Variants in SASH1 observed in about 807,000 individuals in gnomAD.
SASH1 encodes the protein SAM and SH3 domain containing 1.
In SASH1, 44 loss-of-function variants were observed where a neutral mutation model predicts 125.2. The ratio of observed to expected loss-of-function variants is 0.35; its 90% CI spans 0.28 to 0.45. The LOEUF is 0.45. SASH1 is among the 20% of genes least tolerant of loss of function. SASH1 has a pLI of 1.00. For missense variants in SASH1, 1,426 were observed against 1,614.5 expected (o/e 0.88, Z 2.00); for synonymous variants, 639 against 649.1 (o/e 0.98, Z 0.24).
At chr6:148,263,033 G>A in the SASH1 span, among the ~76,000 whole-genome samples, 1 of 152,282 alleles carries the variant, frequency 6.6e-6, no homozygotes, top group African/African-American at 2.4e-5. Flanking sequence ...GGAGATGCAA[G>A]TTTTGAGAGA....
At chr6:148,534,693 G>GTGT in intron 15 of SASH1, 58 bp from the exon 16 acceptor site, 4 of 1,562,004 alleles carry the variant, frequency 2.6e-6, no homozygotes, top group Non-Finnish European at 3.5e-6. Flanking sequence ...GTTGTTGGCG[G>GTGT]TGTTATCATG....
the SASH1 span, among the ~76,000 whole-genome samples, chr6:148,196,209 T>C: frequency 0.64 from 98,096 of 152,096 alleles, 32,319 homozygotes; most frequent in African/African-American, 0.77. Context: ...AAGTTCACTT[T>C]CATGTCAGAC....
rs770923251 is a variant in SASH1, at chr6:148,514,439, A to G, written c.845A>G (p.Lys282Arg). 3.3e-6 allele frequency: 5 copies of G among 1,533,912 alleles called. No homozygotes were observed. In the East Asian group the frequency reaches 9.4e-5, roughly 29 times the overall value. The change falls in exon 9 of 20, where the codon AAA (lysine) becomes AGA (arginine). Residue 282 changes from lysine to arginine, a missense_variant. Coordinates refer to ENST00000367467, the MANE Select transcript of SASH1 (RefSeq NM_015278.5). The stretch of plus-strand genomic sequence containing the variant: ...AAACTAATTAGGGTGGAAGAAATGA[A>G]AAAACCCAGCACTGAAGGTAAAAAA... Reference protein sequence around the residue: ...RKKLIRVEEMKKPSTEGGEEH... With the variant: ...RKKLIRVEEMRKPSTEGGEEH...
the SASH1 span, among the ~76,000 whole-genome samples, chr6:148,246,855 A>G: frequency 6.6e-6 from 1 of 152,178 alleles, no homozygotes; most frequent in Non-Finnish European, 1.5e-5. Context: ...AATATCACAC[A>G]CTTTTTGTTT....
chr6:148,440,546 C>T, intron 4 of SASH1, 139 bp downstream of exon 4: 1 of 706,824 alleles, frequency 1.4e-6, no homozygotes, highest in Admixed American at 2.5e-5. Flanking sequence ...ATGTTGCATG[C>T]ATGTGTGTGT....
intron 10 of SASH1, chr6:148,524,602 C>G (rs1368274724): frequency 6.6e-6 from 1 of 152,134 alleles, no homozygotes; most frequent in African/African-American, 2.4e-5. Flanking sequence ...CTGAATCAAC[C>G]GTTTTCTTTC....
At chr6:148,458,384 G>A (rs936677481) in intron 4 of SASH1, among the ~76,000 whole-genome samples, 3 of 152,184 alleles carry the variant, frequency 2.0e-5, no homozygotes, top group Admixed American at 6.5e-5. Context: ...GGGGAAGTGA[G>A]TTTTTAACAA....
In SASH1 at chr6:148,281,214, T is replaced by C. The variant is rs191209381; in HGVS notation, n.74+8837T>C. 8.3e-3 allele frequency among the ~76,000 whole-genome samples: 1,212 copies of C among 145,600 alleles called. 14 individuals are homozygous for C. The highest frequency in any genetic ancestry group is 0.029 in the African/African-American group (1,142 of 39,820). Reference sequence around the variant, plus strand: ...CTCAAGTGATCCTCCTGCCATGTCCTCCCAAAGTGCTGGGATTACAGGCGT... The same window carrying C: ...CTCAAGTGATCCTCCTGCCATGTCCCCCCAAAGTGCTGGGATTACAGGCGT... On this transcript the variant is annotated intron_variant and non_coding_transcript_variant, in intron 1 of 3. Transcript: ENST00000367469.
chr6:148,321,446 A>G (rs918128464), intron 1 of SASH1, among the ~76,000 whole-genome samples: 1 of 152,028 alleles, frequency 6.6e-6, no homozygotes, highest in African/African-American at 2.4e-5. Flanking sequence ...AAAGATCAAA[A>G]TGAAGCTCTT....
At chr6:148,432,214 A>G (rs1252227037) in intron 2 of SASH1, among the ~76,000 whole-genome samples, 3 of 152,166 alleles carry the variant, frequency 2.0e-5, no homozygotes, top group African/African-American at 7.2e-5. Flanking sequence ...ACCTCAGGTG[A>G]TCTGCCTGCC....
chr6:148,527,361 A>G (rs1407648789), intron 11 of SASH1, 92 bp from the exon 12 acceptor site: 14 of 1,161,490 alleles, frequency 1.2e-5, no homozygotes, highest in Non-Finnish European at 1.5e-5. Context: ...GAATGTCAAT[A>G]TTTCTGAGAG....
Position 148,487,800 on chromosome 6 carries a change from G to C in SASH1, c.729+85G>C, listed in dbSNP as rs1326384436. The C allele has an allele frequency of 4.1e-6, 4 of 977,028 alleles. No homozygotes were observed. In the East Asian group the frequency reaches 1.0e-4, roughly 25 times the overall value. 60.5% of individuals were successfully genotyped at this position (977,028 alleles called of 1,614,324 possible). A position where few individuals can be genotyped will look rare whatever the true frequency, so the allele number is the denominator to read the frequency against. The stretch of plus-strand genomic sequence containing the variant: ...CATTTTAGTCTTTGTATTTCTTTTC[G>C]AAACTTCCGACTCGCACCTGGGTCT... On this transcript the variant is annotated intron_variant, in intron 8 of 19. Transcript: ENST00000367467.
In SASH1 at chr6:148,471,413, T is replaced by A. The variant is rs912899676; in HGVS notation, c.428-4T>A. ...TTTTTTTTTTTTTTTTTTTTTTTTT[T>A]AAGGAAAAGGAGACTGGAAGAAGAA... is the stretch of plus-strand genomic sequence containing the variant. On this transcript the variant is annotated splice_region_variant and splice_polypyrimidine_tract_variant and intron_variant, in intron 5 of 19. Transcript: ENST00000367467. 2.5e-5 allele frequency: 25 copies of A among 990,412 alleles called. No homozygotes were observed. The highest frequency in any genetic ancestry group is 3.3e-5 in the South Asian group (2 of 60,252). 61.4% of individuals were successfully genotyped at this position (990,412 alleles called of 1,614,324 possible). A position where few individuals can be genotyped will look rare whatever the true frequency, so the allele number is the denominator to read the frequency against.
At position 148,368,770 on chromosome 6, in the gene SASH1, G is replaced by GCGCACACACACACACACACACACACACA. The variant is rs1554245330; in HGVS notation, c.157-21363_157-21362insGCACACACACACACACACACACACACAC. Among the ~76,000 whole-genome samples the GCGCACACACACACACACACACACACACA allele has an allele frequency of 5.2e-5, 7 of 135,732 alleles. No individual in the cohort carries two copies. In the East Asian group the frequency reaches 6.2e-4, roughly 12 times the overall value. 89.0% of individuals were successfully genotyped at this position (135,732 alleles called of 152,430 possible). A position where few individuals can be genotyped will look rare whatever the true frequency, so the allele number is the denominator to read the frequency against. Reference sequence around the variant, plus strand: ...CCCCCACATGCGCGCGCACGCGCGCGCACACACACACACACACACACACAC... The same window carrying GCGCACACACACACACACACACACACACA: ...CCCCCACATGCGCGCGCACGCGCGCGCGCACACACACACACACACACACACACACACACACACACACACACACACACAC... On this transcript the variant is annotated intron_variant, in intron 1 of 19. Transcript: ENST00000367467.
intron 1 of SASH1, among the ~76,000 whole-genome samples, chr6:148,389,193 G>A (rs1039520550): frequency 2.0e-5 from 3 of 151,968 alleles, no homozygotes; most frequent in Non-Finnish European, 4.4e-5. Flanking sequence ...GACTACACGA[G>A]CCGGCTAAAG....
rs746075114 is a variant in SASH1, at chr6:148,544,545, C to G, written c.3075C>G (p.Ser1025Arg). The G allele has an allele frequency of 2.5e-6, 4 of 1,613,062 alleles. No individual in the cohort carries two copies. Among genetic ancestry groups the G allele is most frequent in the Middle Eastern group, 1.6e-4 (1 of 6,062 alleles). The change falls in exon 18 of 20, where the codon AGC becomes AGG. Residue 1025 changes from serine to arginine, a missense_variant. Physicochemically the swap from Ser to Arg is moderately radical, Grantham distance 110. Coordinates refer to ENST00000367467, the MANE Select transcript of SASH1 (RefSeq NM_015278.5). This position sits in a 1 kb window ranked among gnomAD's most constrained non-coding sequence, Gnocchi z 6.4. ...CATGCCTGCCAGTGAAAAGGGGCAG[C>G]CCCGCCAGCCCCACCAGCCCTAGCG... ...DAPCLPVKRG[S>R]PASPTSPSDC...
chr6:148,389,058 C>T (rs2114822124), intron 1 of SASH1, among the ~76,000 whole-genome samples: 1 of 152,198 alleles, frequency 6.6e-6, no homozygotes, highest in African/African-American at 2.4e-5. Flanking sequence ...CTGTCATCCT[C>T]CCTGTATGTA....
At chr6:148,473,360 TCTC>T (rs142843341) in intron 6 of SASH1, among the ~76,000 whole-genome samples, 10,184 of 152,210 alleles carry the variant, frequency 0.067, 436 homozygotes, top group Non-Finnish European at 0.097. Flanking sequence ...TCAAAGCAAT[TCTC>T]CTGCTTCAGT....
At chr6:148,407,687 C>T (rs1784431548) in intron 2 of SASH1, among the ~76,000 whole-genome samples, 1 of 152,134 alleles carries the variant, frequency 6.6e-6, no homozygotes, top group African/African-American at 2.4e-5. Context: ...GGCTGGAGTG[C>T]AGTGGCGCAG....
Sources: gnomAD v4.1 joint callset for allele counts (sites outside exome capture counted in the v4.1 genomes callset) on GRCh38, gnomAD v4.1.1 for gene constraint, Gnocchi (gnomAD v3.1) non-coding constraint, MANE v1.5 for transcripts, NCBI Gene and HGNC (gene_info 2026-07-23, HGNC 2026-07-21) for gene names.